The following SLCO2A1 variants were observed in gnomAD, a reference collection of about 807,000 sequenced individuals.
The protein encoded by SLCO2A1 is solute carrier organic anion transporter family member 2A1, also known as matrin F/G 1.
A neutral mutation model predicts 71.7 loss-of-function variants in SLCO2A1; 60 were observed. The observed-to-expected ratio is 0.84, with a 90% confidence interval of 0.68 to 1.04. The LOEUF (loss-of-function observed/expected upper bound fraction) is 1.04, where lower values mean the gene tolerates loss of function less well. SLCO2A1 is among the 50% of genes least tolerant of loss of function. SLCO2A1 has a pLI of 0.00. For synonymous variants in SLCO2A1, 308 were observed against 326.7 expected, an observed-to-expected ratio of 0.94 and a Z score of 0.62; for missense variants, 745 against 813.4, an observed-to-expected ratio of 0.92 and a Z score of 1.02.
chr3:133,998,298 A>G (rs2108068145), intron 1 of SLCO2A1, among the ~76,000 whole-genome samples: 1 of 152,264 alleles, frequency 6.6e-6, no homozygotes, highest in Non-Finnish European at 1.5e-5. Flanking sequence ...AAGTCCCTCC[A>G]AATTTGCTCA....
intron 3 of SLCO2A1, among the ~76,000 whole-genome samples, chr3:133,960,408 G>A (rs1018112701): frequency 3.3e-5 from 5 of 152,208 alleles, no homozygotes; most frequent in Non-Finnish European, 5.9e-5. Context: ...CTACAGCACA[G>A]ATGAGCCTTG....
chr3:133,951,297 AC>A lies in SLCO2A1; in HGVS notation c.771del (p.Trp257CysfsTer3). The A allele has an allele frequency of 4.3e-6, 7 of 1,614,180 alleles. No homozygotes were observed. Among genetic ancestry groups the A allele is most frequent in the Non-Finnish European group, 5.9e-6 (7 of 1,180,024 alleles). ...GCTGAAGAAATGAGCAGGCCTAGCC[AC>A]CAGGCTCCAATCCATCGGGGGTCAC... ...VPGDPRWIGAWWLGLLISSAL... is the reference protein window; with the variant it reads ...VPGDPRWIGAXWLGLLISSAL... On this transcript the variant is annotated frameshift_variant, in exon 6 of 14. Coordinates refer to ENST00000310926, the MANE Select transcript of SLCO2A1 (RefSeq NM_005630.3). LOFTEE classifies it high-confidence loss of function.
chr3:133,974,045 TC>T (rs1326914710), intron 2 of SLCO2A1, among the ~76,000 whole-genome samples: 1 of 152,180 alleles, frequency 6.6e-6, no homozygotes, highest in Non-Finnish European at 1.5e-5. Context: ...CAGAAACCCT[TC>T]TGGGTCTCCA....
At chr3:133,981,437 G>T (rs1209190756) in intron 1 of SLCO2A1, among the ~76,000 whole-genome samples, 1 of 152,192 alleles carries the variant, frequency 6.6e-6, no homozygotes, top group African/African-American at 2.4e-5. Context: ...CTAAGTCAAT[G>T]GTTCATAACT....
intron 1 of SLCO2A1, among the ~76,000 whole-genome samples, chr3:134,018,174 G>A: frequency 6.9e-6 from 1 of 145,212 alleles, no homozygotes; most frequent in African/African-American, 2.4e-5. Context: ...AGGCCTCTCA[G>A]GAGGCAGATG....
chr3:133,994,410 C>T (rs1027171600), intron 1 of SLCO2A1, among the ~76,000 whole-genome samples: 1 of 152,222 alleles, frequency 6.6e-6, no homozygotes, highest in Non-Finnish European at 1.5e-5. Flanking sequence ...TGCCAGTTAC[C>T]TCAGTGCCAT....
At chr3:134,014,990 T>C (rs200034792) in intron 1 of SLCO2A1, among the ~76,000 whole-genome samples, 1 of 152,076 alleles carries the variant, frequency 6.6e-6, no homozygotes, top group East Asian at 1.9e-4. Context: ...ATACATAAGA[T>C]CCCCTCACTT....
intron 3 of SLCO2A1, 104 bp from the exon 4 acceptor site, chr3:133,955,297 C>G: frequency 1.0e-6 from 1 of 966,242 alleles, no homozygotes; most frequent in South Asian, 1.7e-5. Flanking sequence ...GAAGGACCAA[C>G]TTTGGCCAGA....
rs2108071434 is a variant in SLCO2A1 at position 134,004,327 on chromosome 3, A to G, written c.97-24709T>C. On this transcript the variant is annotated intron_variant, in intron 1 of 13. Coordinates refer to ENST00000310926, the MANE Select transcript of SLCO2A1 (RefSeq NM_005630.3). Reference sequence around the variant, plus strand: ...TGGGTGGTCTTAAATTAATCACAAGAGTTTTTTTTGTTTTGTTTTTGTTTT... The same window carrying G: ...TGGGTGGTCTTAAATTAATCACAAGGGTTTTTTTTGTTTTGTTTTTGTTTT... 2.0e-5 allele frequency among the ~76,000 whole-genome samples: 3 copies of G among 152,152 alleles called. No homozygotes were observed. In the South Asian group the frequency reaches 6.2e-4, roughly 32 times the overall value.
chr3:134,003,597 T>C (rs1935145675), intron 1 of SLCO2A1, among the ~76,000 whole-genome samples: 1 of 152,178 alleles, frequency 6.6e-6, no homozygotes, highest in African/African-American at 2.4e-5. Flanking sequence ...CCCTGCATCC[T>C]CCATTTGGGG....
chr3:134,009,668 G>C (rs1312379163), intron 1 of SLCO2A1, among the ~76,000 whole-genome samples: 2 of 152,252 alleles, frequency 1.3e-5, no homozygotes, highest in Non-Finnish European at 1.5e-5. Context: ...CCATGGGTTA[G>C]GGAATGCGCA....
At chr3:133,973,120 C>T (rs1934367821) in intron 3 of SLCO2A1, among the ~76,000 whole-genome samples, 1 of 152,168 alleles carries the variant, frequency 6.6e-6, no homozygotes, top group African/African-American at 2.4e-5. Flanking sequence ...CCTTATTTTG[C>T]TCTCTTGGAG....
At chr3:134,019,317 AATATAG>A (rs1935522523) in intron 1 of SLCO2A1, among the ~76,000 whole-genome samples, 2 of 152,188 alleles carry the variant, frequency 1.3e-5, no homozygotes, top group Non-Finnish European at 2.9e-5. Flanking sequence ...ATGAGGATTA[AATATAG>A]ATAAAGTACT....
At chr3:133,946,841 G>A (rs984293658) in intron 9 of SLCO2A1, among the ~76,000 whole-genome samples, 3 of 152,124 alleles carry the variant, frequency 2.0e-5, no homozygotes, top group South Asian at 2.1e-4. Context: ...TGGGCCGGGC[G>A]GGGTGGCTCA....
chr3:133,980,623 C>G (rs1934567388), intron 1 of SLCO2A1, among the ~76,000 whole-genome samples: 1 of 152,250 alleles, frequency 6.6e-6, no homozygotes, highest in African/African-American at 2.4e-5. Context: ...TTCCAAAGCT[C>G]TTTCCATGAA....
intron 1 of SLCO2A1, among the ~76,000 whole-genome samples, chr3:133,983,688 G>A (rs1437537375): frequency 1.3e-5 from 2 of 152,228 alleles, no homozygotes; most frequent in African/African-American, 4.8e-5. Context: ...GATCAGTTGT[G>A]TGTCTAGTTC....
intron 1 of SLCO2A1, among the ~76,000 whole-genome samples, chr3:134,007,562 T>A (rs1003274944): frequency 2.0e-5 from 3 of 152,230 alleles, no homozygotes; most frequent in African/African-American, 7.2e-5. Context: ...CTATGTGATA[T>A]AGCCTTGGGG....
At chr3:134,002,074 A>G (rs1031971663) in intron 1 of SLCO2A1, among the ~76,000 whole-genome samples, 2 of 152,248 alleles carry the variant, frequency 1.3e-5, no homozygotes, top group African/African-American at 4.8e-5. Context: ...TTGCTTACCT[A>G]CAGTATTTAA....
At chr3:134,008,824 C>T (rs1935275484) in intron 1 of SLCO2A1, among the ~76,000 whole-genome samples, 1 of 152,242 alleles carries the variant, frequency 6.6e-6, no homozygotes, top group Admixed American at 6.5e-5. Context: ...AAAGGCTCCA[C>T]ATTCTTGCCT....
Sources: allele counts gnomAD v4.1 joint callset (sites outside exome capture counted in the v4.1 genomes callset), GRCh38; gene constraint gnomAD v4.1.1; transcripts MANE v1.5; gene names NCBI Gene and HGNC (gene_info 2026-07-23, HGNC 2026-07-21).